The following NTM variants were observed in gnomAD, a reference collection of about 807,000 sequenced individuals.
The protein encoded by NTM is neurotrimin, also known as IgLON family member 2.
Under a neutral mutation model 42.1 loss-of-function variants are expected in NTM, and 13 were observed. The observed-to-expected ratio is 0.31, with a 90% CI of 0.20 to 0.49. The LOEUF (loss-of-function observed/expected upper bound fraction) is 0.49, where lower values mean the gene tolerates loss of function less well. NTM is among the 20% of genes least tolerant of loss of function. NTM has a pLI of 0.99. For missense variants in NTM, 373 were observed against 452.8 expected, an observed-to-expected ratio of 0.82 and a Z score of 1.60; for synonymous variants, 187 against 179.2, an observed-to-expected ratio of 1.04 and a Z score of -0.35.
intron 2 of NTM, among the ~76,000 whole-genome samples, chr11:131,940,918 C>T (rs2059723882): frequency 6.6e-6 from 1 of 152,204 alleles, no homozygotes; most frequent in African/African-American, 2.4e-5. Context: ...CTTTAAATAG[C>T]ATTTCTTAAT....
intron 3 of NTM, among the ~76,000 whole-genome samples, chr11:132,151,995 A>G (rs1488902900): frequency 2.0e-5 from 3 of 152,190 alleles, no homozygotes; most frequent in Admixed American, 6.5e-5. Flanking sequence ...TTTCTTTCCA[A>G]TCCTGAATAA....
intron 1 of NTM, among the ~76,000 whole-genome samples, chr11:131,516,414 TG>T: frequency 6.6e-6 from 1 of 152,334 alleles, no homozygotes; most frequent in East Asian, 1.9e-4. Context: ...GTTTCACTTT[TG>T]TTGCCCAGGC....
chr11:131,438,338 G>A (rs1177440763), intron 1 of NTM, among the ~76,000 whole-genome samples: 2 of 151,700 alleles, frequency 1.3e-5, no homozygotes, highest in African/African-American at 4.8e-5. Context: ...GCCTTGCTAG[G>A]TTGGGGAAGT....
chr11:131,567,033 G>A (rs933229990), intron 1 of NTM, among the ~76,000 whole-genome samples: 1 of 152,130 alleles, frequency 6.6e-6, no homozygotes, highest in Admixed American at 6.6e-5. Context: ...GAGCTAGGAT[G>A]TGGGGGTGGA....
At chr11:131,676,954 G>A (rs73583653) in intron 1 of NTM, among the ~76,000 whole-genome samples, 5,569 of 152,230 alleles carry the variant, frequency 0.037, 331 homozygotes, top group African/African-American at 0.13. Context: ...TAGACTCTTC[G>A]TATCTGGAGC....
chr11:131,609,123 G>A (rs777151768), intron 1 of NTM, among the ~76,000 whole-genome samples: 7 of 152,196 alleles, frequency 4.6e-5, no homozygotes, highest in Non-Finnish European at 7.3e-5. Flanking sequence ...TCTGAACCTC[G>A]GGAGGCTGAG....
chr11:131,770,097 C>A (rs1427358809), intron 1 of NTM, among the ~76,000 whole-genome samples: 1 of 152,168 alleles, frequency 6.6e-6, no homozygotes, highest in Non-Finnish European at 1.5e-5. Flanking sequence ...CATAGGAGGG[C>A]TGATCAACAG....
chr11:132,227,984 T>G (rs2086671876), intron 4 of NTM, among the ~76,000 whole-genome samples: 1 of 152,218 alleles, frequency 6.6e-6, no homozygotes, highest in Admixed American at 6.5e-5. Context: ...TAACCCTGCA[T>G]GACCAGATGC....
chr11:131,561,981 A>G (rs1400974425), intron 1 of NTM, among the ~76,000 whole-genome samples: 1 of 152,062 alleles, frequency 6.6e-6, no homozygotes, highest in Admixed American at 6.5e-5. Context: ...TTTGGAAGCC[A>G]CTCTCTGTGA....
intron 2 of NTM, among the ~76,000 whole-genome samples, chr11:131,972,331 C>CACAT (rs1380239125): frequency 6.6e-6 from 1 of 152,008 alleles, no homozygotes; most frequent in Non-Finnish European, 1.5e-5. Flanking sequence ...TCTGGCCAAA[C>CACAT]ACATACATAC....
chr11:132,023,631 A>G (rs117084332), intron 2 of NTM, among the ~76,000 whole-genome samples: 1 of 152,124 alleles, frequency 6.6e-6, no homozygotes, highest in Non-Finnish European at 1.5e-5. Flanking sequence ...AGGATTATTC[A>G]GGGTTCTTCT....
intron 1 of NTM, among the ~76,000 whole-genome samples, chr11:131,409,269 T>C (rs911759926): frequency 7.9e-5 from 12 of 152,174 alleles, no homozygotes; most frequent in Non-Finnish European, 1.5e-4. Context: ...GGGTGTATAA[T>C]GGAGATTGAG....
chr11:131,416,192 T>C (rs1375396021), intron 1 of NTM, among the ~76,000 whole-genome samples: 1 of 148,268 alleles, frequency 6.7e-6, no homozygotes, highest in African/African-American at 2.4e-5. Context: ...CTTCTTTTCA[T>C]GTTTTTTTTT....
chr11:131,408,565 T>C (rs1242518675), intron 1 of NTM, among the ~76,000 whole-genome samples: 1 of 152,180 alleles, frequency 6.6e-6, no homozygotes, highest in Non-Finnish European at 1.5e-5. Context: ...CTTTTGAGTA[T>C]TTACTTTGAG....
intron 3 of NTM, among the ~76,000 whole-genome samples, chr11:132,193,521 A>G (rs563366327): frequency 6.6e-6 from 1 of 152,262 alleles, no homozygotes; most frequent in East Asian, 1.9e-4. Flanking sequence ...ACAGTGTTAA[A>G]AGGAAAGTTT....
chr11:131,733,050 C>T (rs1297986492), intron 1 of NTM, among the ~76,000 whole-genome samples: 1 of 151,924 alleles, frequency 6.6e-6, no homozygotes, highest in South Asian at 2.1e-4. Context: ...TATTGTTGAT[C>T]ATTAAGATAA....
At chr11:131,547,420 C>A (rs1355881496) in intron 1 of NTM, among the ~76,000 whole-genome samples, 1 of 152,192 alleles carries the variant, frequency 6.6e-6, no homozygotes, top group Non-Finnish European at 1.5e-5. Context: ...CGATCTTCAA[C>A]GTCTTGCACG....
At chr11:132,123,729 G>T (rs1296140005) in intron 2 of NTM, among the ~76,000 whole-genome samples, 2 of 152,182 alleles carry the variant, frequency 1.3e-5, no homozygotes, top group African/African-American at 2.4e-5. Flanking sequence ...TGTGCTAAAG[G>T]CATCAACAGC....
chr11:131,877,126 T>G (rs1391113740), intron 1 of NTM, among the ~76,000 whole-genome samples: 1 of 152,238 alleles, frequency 6.6e-6, no homozygotes, highest in Non-Finnish European at 1.5e-5. Context: ...CCCAAAGTGC[T>G]GGGATTGCAG....
Sources: allele counts gnomAD v4.1 joint callset (sites outside exome capture counted in the v4.1 genomes callset), GRCh38; gene constraint gnomAD v4.1.1; transcripts MANE v1.5; gene names NCBI Gene and HGNC (gene_info 2026-07-23, HGNC 2026-07-21).